The following FNIP2 variants were observed in gnomAD, a reference collection of about 807,000 sequenced individuals.
FNIP2 encodes folliculin interacting protein 2.
In FNIP2, 32 loss-of-function variants were observed where a neutral mutation model predicts 108.7. The observed-to-expected ratio is 0.29, with a 90% CI of 0.22 to 0.40. The LOEUF (loss-of-function observed/expected upper bound fraction) is 0.40. FNIP2 is among the 10% of genes least tolerant of loss of function. The pLI is 1.00. For missense variants in FNIP2, 1,202 were observed against 1,381.6 expected, an observed-to-expected ratio of 0.87 and a Z score of 2.06; for synonymous variants, 480 against 496.7, an observed-to-expected ratio of 0.97 and a Z score of 0.45.
chr4:158,812,081 C>T (rs1175687667), intron 1 of FNIP2, among the ~76,000 whole-genome samples: 2 of 152,138 alleles, frequency 1.3e-5, no homozygotes, highest in African/African-American at 4.8e-5. Context: ...GATGGTTTAG[C>T]GGCTGCACAC....
intron 14 of FNIP2, among the ~76,000 whole-genome samples, chr4:158,882,876 T>C (rs938635758): frequency 5.9e-5 from 9 of 152,150 alleles, no homozygotes; most frequent in South Asian, 2.1e-4. Context: ...CCGCAGGGTC[T>C]TCTGCCTAGG....
chr4:158,849,838 T>G (rs1779602432), intron 7 of FNIP2, among the ~76,000 whole-genome samples: 1 of 151,424 alleles, frequency 6.6e-6, no homozygotes, highest in Admixed American at 6.6e-5. Flanking sequence ...CAGGAAGCAT[T>G]TGCTAATTGC....
At chr4:158,812,158 C>T (rs1037595730) in intron 1 of FNIP2, among the ~76,000 whole-genome samples, 4 of 152,116 alleles carry the variant, frequency 2.6e-5, no homozygotes, top group Non-Finnish European at 5.9e-5. Flanking sequence ...TGCTTGATGG[C>T]AAAAACTCCT....
At chr4:158,864,517 A>G (rs995794042) in intron 12 of FNIP2, among the ~76,000 whole-genome samples, 7 of 152,156 alleles carry the variant, frequency 4.6e-5, no homozygotes, top group African/African-American at 1.7e-4. Context: ...CCTTTAAGAT[A>G]CTAAACTCTC....
chr4:158,882,118 C>T (rs1222751274), intron 14 of FNIP2, among the ~76,000 whole-genome samples: 5 of 151,640 alleles, frequency 3.3e-5, no homozygotes, highest in Admixed American at 2.0e-4. Context: ...CTGGCCGCCC[C>T]GTCTGAGAAA....
chr4:158,895,052 A>G (rs930678500), intron 15 of FNIP2, among the ~76,000 whole-genome samples: 65 of 152,314 alleles, frequency 4.3e-4, no homozygotes, highest in African/African-American at 1.5e-3. Flanking sequence ...GCCAAATGCA[A>G]AAGCATTTGC....
intron 10 of FNIP2, 34 bp from the exon 11 acceptor site, chr4:158,861,308 C>T (rs777772089): frequency 1.3e-6 from 2 of 1,585,252 alleles, no homozygotes; most frequent in African/African-American, 2.7e-5. Context: ...GTATTTCTGA[C>T]ACTTTTGTGT....
At chr4:158,815,765 A>G (rs527597669) in intron 1 of FNIP2, among the ~76,000 whole-genome samples, 16 of 152,110 alleles carry the variant, frequency 1.1e-4, no homozygotes, top group Non-Finnish European at 1.6e-4. Context: ...AGAGTTCTTT[A>G]CCTCCAATTT....
At chr4:158,894,109 G>A (rs1244708965) in intron 15 of FNIP2, among the ~76,000 whole-genome samples, 1 of 151,654 alleles carries the variant, frequency 6.6e-6, no homozygotes, top group Non-Finnish European at 1.5e-5. Flanking sequence ...CCCAGAAAGA[G>A]GAGTTTAAAA....
chr4:158,873,552 C>T (rs1781085088), intron 14 of FNIP2, among the ~76,000 whole-genome samples: 1 of 152,286 alleles, frequency 6.6e-6, no homozygotes, highest in Admixed American at 6.5e-5. Context: ...GTTTTTCTCT[C>T]ATTGAGAGAT....
At chr4:158,871,623 A>G in intron 14 of FNIP2, 1 of 985,396 alleles carries the variant, frequency 1.0e-6, no homozygotes. Flanking sequence ...GGGGAAAGCC[A>G]GCCCAGTGTA....
rs767754054 is a variant in FNIP2 at position 158,870,351 on chromosome 4, G to C, written c.2831G>C (p.Gly944Ala). ...SISTQNVRNF[G>A]RSLLAGYCPT... ...AGCACCCAGAATGTAAGGAACTTTG[G>C]CCGCTCACTTCTGGCGGGCTACTGC... is the stretch of plus-strand genomic sequence containing the variant. The change falls in exon 14 of 17, where the codon GGC becomes GCC. Residue 944 changes from glycine (G) to alanine (A), a missense_variant. Around this residue, in one of 5 missense-constraint regions of FNIP2, gnomAD observed 878 missense variants for 990.3 expected, o/e 0.89. Transcript: ENST00000264433. 6.2e-7 allele frequency: 1 copy of C among 1,613,976 alleles called. No individual in the cohort carries two copies. The highest frequency in any genetic ancestry group is 1.7e-5 in the Admixed American group (1 of 60,026).
rs529873450 is a variant in FNIP2 at position 158,778,654 on chromosome 4, G to A, written c.107+9335G>A. Among the ~76,000 whole-genome samples the A allele has an allele frequency of 4.1e-4, 63 of 152,218 alleles. 1 individual carries two copies. The highest frequency in any genetic ancestry group is 1.5e-3 in the African/African-American group (61 of 41,524). ...GTTATTGTTGTTAATCTCTTACTGT[G>A]CCTAATTTATAAATTAAACTTTATC... On this transcript the variant is annotated intron_variant, in intron 1 of 16. Transcript: ENST00000264433.
At chr4:158,860,022 T>A (rs1251137975) in intron 10 of FNIP2, among the ~76,000 whole-genome samples, 1 of 152,228 alleles carries the variant, frequency 6.6e-6, no homozygotes, top group African/African-American at 2.4e-5. Flanking sequence ...AGTTCAGGGA[T>A]GCTTATTCAA....
At chr4:158,867,867 C>G (rs1179304574) in intron 12 of FNIP2, among the ~76,000 whole-genome samples, 4 of 152,214 alleles carry the variant, frequency 2.6e-5, no homozygotes, top group African/African-American at 9.7e-5. Context: ...GCTGTGGGCA[C>G]AGCAGCACGA....
At position 158,851,364 on chromosome 4, in the gene FNIP2, C is replaced by T. The variant is rs1360211109; in HGVS notation, c.771C>T (p.Ser257=). The change falls in exon 8 of 17, where the codon AGC becomes AGT. Residue 257 remains serine (S), a synonymous_variant. Coordinates refer to ENST00000264433, the MANE Select transcript of FNIP2 (RefSeq NM_020840.3). ...TGATCACACCTTTCCCATCTCCAAG[C>T]TCCTCTACATCTTCTTCCAGCAGTT... ...SLLITPFPSP[S]SSTSSSSSYQ... is the part of the protein sequence containing the mutation. 1.2e-6 allele frequency: 2 copies of T among 1,613,894 alleles called. No individual in the cohort carries two copies. The highest frequency in any genetic ancestry group is 1.7e-6 in the Non-Finnish European group (2 of 1,179,894).
At chr4:158,871,363 A>C in intron 14 of FNIP2, 1 of 985,168 alleles carries the variant, frequency 1.0e-6, no homozygotes, top group Admixed American at 6.1e-5. Context: ...CGCATTAAGA[A>C]AATCAGAATT....
At chr4:158,835,223 C>T (rs2126601890) in intron 6 of FNIP2, 182 bp from the exon 7 acceptor site, 1 of 325,484 alleles carries the variant, frequency 3.1e-6, no homozygotes, top group African/African-American at 2.1e-5. Flanking sequence ...TTACTTGGTT[C>T]TCTTTTCTTC....
rs982366920 is a variant in FNIP2 at position 158,904,668 on chromosome 4, TTTTTG to T, written c.*131_*135del. On this transcript the variant is annotated 3_prime_UTR_variant, in exon 17 of 17. Transcript: ENST00000264433. Reference sequence around the variant, plus strand: ...AGCAAACAGAAACAGTCATTCCACCTTTTTGTTTTGTGTTTTTGCTGTCAAGCTGA... The same window carrying T: ...AGCAAACAGAAACAGTCATTCCACCTTTTTGTGTTTTTGCTGTCAAGCTGA... 2.6e-5 allele frequency: 22 copies of T among 847,094 alleles called. No individual in the cohort carries two copies. The highest frequency in any genetic ancestry group is 3.7e-5 in the Non-Finnish European group (20 of 536,992). The allele number at this position is 847,094 out of a possible 1,614,324, so 52.5% of individuals were successfully genotyped here. A position where few individuals can be genotyped will look rare whatever the true frequency, so the allele number is the denominator to read the frequency against.
Sources: allele counts gnomAD v4.1 joint callset (sites outside exome capture counted in the v4.1 genomes callset), GRCh38; gene constraint gnomAD v4.1.1; regional missense constraint gnomAD v4.1.1; transcripts MANE v1.5; gene names NCBI Gene and HGNC (gene_info 2026-07-23, HGNC 2026-07-21).